The following PTPRD variants were observed in gnomAD, a reference collection of about 807,000 sequenced individuals.
The protein encoded by PTPRD is receptor-type tyrosine-protein phosphatase delta.
In PTPRD, 34 loss-of-function variants were observed where a neutral mutation model predicts 214.5. The observed-to-expected ratio is 0.16, with a 90% CI of 0.12 to 0.21. The LOEUF is 0.21. Among genes scored for constraint, PTPRD ranks in the 10% least tolerant of loss-of-function variants. PTPRD has a pLI of 1.00. For synonymous variants in PTPRD, 1,128 were observed against 845.7 expected (o/e 1.33, Z -5.79); for missense variants, 2,545 against 2,398.7 (o/e 1.06, Z -1.27).
At chr9:10,608,927 A>C (rs2080208496) in intron 2 of PTPRD, among the ~76,000 whole-genome samples, 1 of 152,158 alleles carries the variant, frequency 6.6e-6, no homozygotes, top group Non-Finnish European at 1.5e-5. Flanking sequence ...CTAAAAAAAT[A>C]AAACAGTGAA....
chr9:8,469,156 T>C (rs1431014162), intron 31 of PTPRD, among the ~76,000 whole-genome samples: 3 of 151,988 alleles, frequency 2.0e-5, no homozygotes, highest in Non-Finnish European at 4.4e-5. Flanking sequence ...TGACCCTTTG[T>C]TATGGGAATC....
intron 44 of PTPRD, among the ~76,000 whole-genome samples, chr9:8,321,821 T>A (rs1425719990): frequency 6.6e-6 from 1 of 152,008 alleles, no homozygotes; most frequent in African/African-American, 2.4e-5. Flanking sequence ...TACACTGTTT[T>A]ATTGTGCTAT....
At chr9:8,437,142 A>G (rs2095384569) in intron 34 of PTPRD, 13 of 1,235,286 alleles carry the variant, frequency 1.1e-5, no homozygotes, top group Admixed American at 2.5e-5. Flanking sequence ...AAAGGGAAAG[A>G]GTAGTAGCTT....
chr9:9,405,002 C>T (rs1250399010), intron 8 of PTPRD, among the ~76,000 whole-genome samples: 1 of 152,010 alleles, frequency 6.6e-6, no homozygotes, highest in Admixed American at 6.6e-5. Context: ...ATTTCCCCAT[C>T]ATTTCTGGAT....
intron 4 of PTPRD, among the ~76,000 whole-genome samples, chr9:9,961,701 T>C (rs1233899014): frequency 6.6e-6 from 1 of 152,160 alleles, no homozygotes; most frequent in Non-Finnish European, 1.5e-5. Flanking sequence ...ATGCCTTCAC[T>C]TACTCTGACA....
chr9:9,781,667 C>A (rs921573920), intron 5 of PTPRD, among the ~76,000 whole-genome samples: 1 of 152,150 alleles, frequency 6.6e-6, no homozygotes, highest in African/African-American at 2.4e-5. Context: ...TGGAGTTTAG[C>A]CTTAATGAAC....
chr9:10,503,207 A>AG (rs1566569990), intron 2 of PTPRD, among the ~76,000 whole-genome samples: 1 of 97,400 alleles, frequency 1.0e-5, no homozygotes, highest in Non-Finnish European at 2.0e-5. Context: ...AAAAAAAAAA[A>AG]CAAAAAAAAA....
At chr9:10,464,010 A>G (rs1413807470) in intron 2 of PTPRD, among the ~76,000 whole-genome samples, 1 of 152,196 alleles carries the variant, frequency 6.6e-6, no homozygotes, top group African/African-American at 2.4e-5. Context: ...TTTATTTTAA[A>G]AAGATAATCC....
At chr9:9,439,886 T>C (rs1278123408) in intron 8 of PTPRD, among the ~76,000 whole-genome samples, 3 of 152,162 alleles carry the variant, frequency 2.0e-5, no homozygotes, top group African/African-American at 7.2e-5. Flanking sequence ...GAGTAAATAA[T>C]TTTTCCAGTG....
intron 14 of PTPRD, among the ~76,000 whole-genome samples, chr9:8,540,662 A>T (rs2078172424): frequency 1.3e-5 from 2 of 152,106 alleles, no homozygotes; most frequent in African/African-American, 4.8e-5. Context: ...TCCAAATGTT[A>T]TTTTTTTAAG....
chr9:9,639,057 C>A (rs992191763), intron 7 of PTPRD, among the ~76,000 whole-genome samples: 1 of 152,222 alleles, frequency 6.6e-6, no homozygotes, highest in Admixed American at 6.5e-5. Context: ...ATTTCCAACA[C>A]ATACATTTTG....
At chr9:9,100,417 A>C (rs943612272) in intron 10 of PTPRD, among the ~76,000 whole-genome samples, 1 of 152,096 alleles carries the variant, frequency 6.6e-6, no homozygotes, top group African/African-American at 2.4e-5. Context: ...GAGTAGGGTA[A>C]ATAGCTGGGT....
intron 2 of PTPRD, among the ~76,000 whole-genome samples, chr9:10,407,863 AT>A (rs1212659817): frequency 1.3e-5 from 2 of 151,454 alleles, no homozygotes; most frequent in African/African-American, 4.8e-5. Context: ...TTTTTTTTAA[AT>A]TTTAACAAAT....
intron 9 of PTPRD, among the ~76,000 whole-genome samples, chr9:9,327,923 A>G (rs897429731): frequency 1.3e-5 from 2 of 150,492 alleles, no homozygotes; most frequent in African/African-American, 4.9e-5. Flanking sequence ...AAAAAAAATC[A>G]CAAAAAAATT....
chr9:10,316,382 A>T (rs1271427397), intron 3 of PTPRD, among the ~76,000 whole-genome samples: 2 of 151,792 alleles, frequency 1.3e-5, no homozygotes, highest in African/African-American at 4.8e-5. Context: ...TTTCCCAACA[A>T]CCTAATACTT....
chr9:8,994,487 A>G (rs1389140811), intron 11 of PTPRD, among the ~76,000 whole-genome samples: 1 of 152,124 alleles, frequency 6.6e-6, no homozygotes, highest in Non-Finnish European at 1.5e-5. Flanking sequence ...TAGGACAATT[A>G]TTCAAATAAA....
intron 4 of PTPRD, among the ~76,000 whole-genome samples, chr9:10,029,099 G>C (rs940893254): frequency 6.6e-6 from 1 of 152,224 alleles, no homozygotes; most frequent in African/African-American, 2.4e-5. Flanking sequence ...AGTCTTGGCA[G>C]CTTCCATGTG....
At chr9:8,639,434 A>G (rs1229716235) in intron 12 of PTPRD, among the ~76,000 whole-genome samples, 1 of 152,152 alleles carries the variant, frequency 6.6e-6, no homozygotes, top group Non-Finnish European at 1.5e-5. Flanking sequence ...CATAGCCTAA[A>G]AACTGTCAAC....
chr9:8,632,505 G>A lies in PTPRD; in HGVS notation c.352+812C>T, dbSNP rs147844707. Among the ~76,000 whole-genome samples, 10 of 152,052 alleles carry A rather than the reference G, an allele frequency of 6.6e-5. No homozygotes were observed. In the East Asian group the frequency reaches 1.7e-3, roughly 26 times the overall value. On this transcript the variant is annotated intron_variant, in intron 14 of 45. Coordinates refer to ENST00000381196, the MANE Select transcript of PTPRD (RefSeq NM_002839.4). The stretch of plus-strand genomic sequence containing the variant: ...AACAAAACAAATGAGTTGTGTGAGG[G>A]AGAGAAAGAGATAAAGGCACAGAAT...
Sources: gnomAD v4.1 joint callset for allele counts (sites outside exome capture counted in the v4.1 genomes callset) on GRCh38, gnomAD v4.1.1 for gene constraint, MANE v1.5 for transcripts, NCBI Gene and HGNC (gene_info 2026-07-23, HGNC 2026-07-21) for gene names.